Variants in LEPR observed in about 807,000 individuals in gnomAD.
LEPR encodes the protein leptin receptor.
A neutral mutation model predicts 114.7 loss-of-function variants in LEPR; 56 were observed. The observed-to-expected ratio is 0.49, with a 90% CI of 0.39 to 0.61. The LOEUF is 0.61. Ranked by LOEUF, LEPR falls within the 20% of genes least tolerant of loss-of-function variation. The probability of loss-of-function intolerance (pLI) is 0.00; values close to 1 mark genes in which losing one functional copy is unlikely to be tolerated. For missense variants in LEPR, 1,202 were observed against 1,352.9 expected, an observed-to-expected ratio of 0.89 and a Z score of 1.75; for synonymous variants, 443 against 461.4, an observed-to-expected ratio of 0.96 and a Z score of 0.51.
intron 2 of LEPR, among the ~76,000 whole-genome samples, chr1:65,465,594 CTCG>C (rs1217664003): frequency 3.0e-4 from 45 of 152,154 alleles, no homozygotes; most frequent in African/African-American, 9.9e-4. Flanking sequence ...AACCTTCTTT[CTCG>C]TTGATCTGTC....
intron 19 of LEPR, among the ~76,000 whole-genome samples, chr1:65,631,699 A>G (rs1351626379): frequency 6.6e-6 from 1 of 152,128 alleles, no homozygotes; most frequent in Non-Finnish European, 1.5e-5. Flanking sequence ...ACATATATTG[A>G]ATTTTTGTTG....
chr1:65,427,754 A>G (rs1395751715), intron 2 of LEPR: 4 of 397,960 alleles, frequency 1.0e-5, no homozygotes, highest in Non-Finnish European at 1.5e-5. Flanking sequence ...TTTGTTTTCT[A>G]TCTTTATTTT....
chr1:65,424,202 A>G (rs896148179), intron 1 of LEPR, among the ~76,000 whole-genome samples: 4 of 152,242 alleles, frequency 2.6e-5, no homozygotes, highest in Admixed American at 1.3e-4. Flanking sequence ...CTAGTGTCCA[A>G]TAGATACAGG....
At chr1:65,513,463 A>G (rs948565987) in intron 2 of LEPR, among the ~76,000 whole-genome samples, 6 of 152,240 alleles carry the variant, frequency 3.9e-5, no homozygotes, top group African/African-American at 1.4e-4. Context: ...TTAGTTCAGA[A>G]TTAGAACCTG....
intron 2 of LEPR, among the ~76,000 whole-genome samples, chr1:65,445,097 T>C (rs1646697178): frequency 6.6e-6 from 1 of 152,164 alleles, no homozygotes. Flanking sequence ...GTAGGTGTTA[T>C]CCATTATGTT....
chr1:65,544,281 A>C (rs1344900294), intron 2 of LEPR, among the ~76,000 whole-genome samples: 1 of 152,046 alleles, frequency 6.6e-6, no homozygotes, highest in Non-Finnish European at 1.5e-5. Context: ...TGATTTTCAC[A>C]CATTGATTTT....
At chr1:65,617,317 C>A (rs975694798) in intron 15 of LEPR, among the ~76,000 whole-genome samples, 1 of 152,074 alleles carries the variant, frequency 6.6e-6, no homozygotes, top group African/African-American at 2.4e-5. Flanking sequence ...TCAGAGAAGC[C>A]ACCTTGAGGA....
chr1:65,473,587 G>T (rs1174000655), intron 2 of LEPR, among the ~76,000 whole-genome samples: 1 of 152,104 alleles, frequency 6.6e-6, no homozygotes, highest in Non-Finnish European at 1.5e-5. Context: ...CATGGATTTA[G>T]GTAGATTTGA....
chr1:65,605,060 A>G lies in LEPR; in HGVS notation c.1426A>G (p.Ile476Val). Residue 476 changes from isoleucine (I) to valine (V), a missense_variant, in exon 11 of 20, where the codon ATT (isoleucine) becomes GTT (valine). By Grantham distance (29) the Ile-to-Val change is conservative. Coordinates refer to ENST00000349533, the MANE Select transcript of LEPR (RefSeq NM_002303.6). ...YHRSSLYCSD[I>V]PSIHPISEPK... Reference sequence around the variant, plus strand: ...AAGGAGCAGCCTTTACTGTTCTGATATTCCATCTATTCATCCCATATCTGA... The same window carrying G: ...AAGGAGCAGCCTTTACTGTTCTGATGTTCCATCTATTCATCCCATATCTGA... 3 of 1,613,642 alleles carry G rather than the reference A, an allele frequency of 1.9e-6. No homozygotes were observed. Among genetic ancestry groups the G allele is most frequent in the Non-Finnish European group, 2.5e-6 (3 of 1,180,014 alleles).
At chr1:65,427,793 C>T in intron 2 of LEPR, 2 of 415,192 alleles carry the variant, frequency 4.8e-6, no homozygotes, top group Non-Finnish European at 9.7e-6. Flanking sequence ...GATGCCACAA[C>T]ACCCAGCTGA....
At chr1:65,466,613 A>C (rs538726644) in intron 2 of LEPR, among the ~76,000 whole-genome samples, 49 of 152,276 alleles carry the variant, frequency 3.2e-4, no homozygotes, top group African/African-American at 9.6e-4. Context: ...TAATATCCTG[A>C]AGAGTGTTTT....
At chr1:65,516,826 A>C (rs1356128543) in intron 2 of LEPR, among the ~76,000 whole-genome samples, 20 of 152,192 alleles carry the variant, frequency 1.3e-4, no homozygotes, top group Non-Finnish European at 1.9e-4. Flanking sequence ...TTTTGCTGTT[A>C]GATGTAAGTG....
intron 3 of LEPR, among the ~76,000 whole-genome samples, chr1:65,568,886 A>G (rs1653959450): frequency 6.6e-6 from 1 of 152,206 alleles, no homozygotes; most frequent in Non-Finnish European, 1.5e-5. Context: ...ATAAGATGGT[A>G]TCTCATTGTA....
chr1:65,428,270 A>G (rs983758105), intron 2 of LEPR, among the ~76,000 whole-genome samples: 1 of 152,176 alleles, frequency 6.6e-6, no homozygotes. Flanking sequence ...GTGGCTTACT[A>G]TGAATGAAAA....
intron 14 of LEPR, 79 bp from the exon 15 acceptor site, chr1:65,615,929 A>G (rs1657497960): frequency 6.3e-7 from 1 of 1,579,992 alleles, no homozygotes; most frequent in African/African-American, 1.4e-5. Flanking sequence ...TAAGAAATGT[A>G]GAATGAGAGT....
chr1:65,437,217 T>C (rs1277978553), intron 2 of LEPR, among the ~76,000 whole-genome samples: 1 of 152,154 alleles, frequency 6.6e-6, no homozygotes, highest in Non-Finnish European at 1.5e-5. Flanking sequence ...CAAGATTCCA[T>C]GGTGTGGAAC....
At chr1:65,603,224 CATG>C (rs995609741) in intron 10 of LEPR, among the ~76,000 whole-genome samples, 4 of 151,966 alleles carry the variant, frequency 2.6e-5, no homozygotes, top group African/African-American at 9.7e-5. Flanking sequence ...TTTTTGCTGT[CATG>C]ATAATGATGC....
At chr1:65,466,454 A>G (rs2100396311) in intron 2 of LEPR, among the ~76,000 whole-genome samples, 1 of 152,284 alleles carries the variant, frequency 6.6e-6, no homozygotes, top group Admixed American at 6.5e-5. Context: ...GGCTGCCCTT[A>G]ACATTTTTTC....
intron 16 of LEPR, 60 bp downstream of exon 16, chr1:65,618,206 TA>T: frequency 2.7e-6 from 4 of 1,470,384 alleles, no homozygotes; most frequent in Non-Finnish European, 3.7e-6. Context: ...TACAGATTAT[TA>T]ATTCTATTAA....
Sources: gnomAD v4.1 joint callset for allele counts (sites outside exome capture counted in the v4.1 genomes callset) on GRCh38, gnomAD v4.1.1 for gene constraint, MANE v1.5 for transcripts, NCBI Gene and HGNC (gene_info 2026-07-23, HGNC 2026-07-21) for gene names.